The following APBB1IP variants were observed in gnomAD, a reference collection of about 807,000 sequenced individuals.
APBB1IP encodes the protein amyloid beta A4 precursor protein-binding family B member 1-interacting protein.
APBB1IP carries 27 observed loss-of-function variants against 64.9 expected under a neutral mutation model. The observed-to-expected ratio is 0.42, with a 90% confidence interval of 0.31 to 0.57. The LOEUF is 0.57. APBB1IP is among the 20% of genes least tolerant of loss of function. APBB1IP has a pLI of 0.20. For synonymous variants in APBB1IP, 392 were observed against 331.0 expected (o/e 1.18, Z -2.00); for missense variants, 812 against 845.5 (o/e 0.96, Z 0.49).
chr10:26,443,800 G>A lies in APBB1IP; in HGVS notation c.-1+4947G>A, dbSNP rs756205569. Among the ~76,000 whole-genome samples, 3 of 152,244 alleles carry A rather than the reference G, an allele frequency of 2.0e-5. No homozygotes were observed. In the East Asian group the frequency reaches 5.8e-4, roughly 29 times the overall value. On this transcript the variant is annotated intron_variant, in intron 2 of 14. Transcript: ENST00000376236. ...GATCCTTCCACCTCGGGCTCTCAAA[G>A]TCTTGGGATCACAGACATGAGCCAC...
intron 2 of APBB1IP, among the ~76,000 whole-genome samples, chr10:26,445,496 C>T (rs1351968209): frequency 2.0e-5 from 3 of 152,172 alleles, no homozygotes; most frequent in East Asian, 1.9e-4. Flanking sequence ...AGTATCCTCC[C>T]GCTTCGGCCT....
chr10:26,546,973 A>C (rs949172666), intron 11 of APBB1IP, among the ~76,000 whole-genome samples: 2 of 152,212 alleles, frequency 1.3e-5, no homozygotes, highest in African/African-American at 4.8e-5. Context: ...GCACCTCCAT[A>C]CTGTTTTCTG....
At chr10:26,514,577 T>C (rs1245990891) in intron 8 of APBB1IP, among the ~76,000 whole-genome samples, 1 of 152,184 alleles carries the variant, frequency 6.6e-6, no homozygotes, top group African/African-American at 2.4e-5. Flanking sequence ...CAAGCAACTA[T>C]AATTGTGTGA....
chr10:26,441,268 TG>T (rs996781927), intron 2 of APBB1IP, among the ~76,000 whole-genome samples: 1 of 152,184 alleles, frequency 6.6e-6, no homozygotes, highest in Non-Finnish European at 1.5e-5. Flanking sequence ...ACTGGTTGCA[TG>T]GGGATTTTAA....
intron 2 of APBB1IP, among the ~76,000 whole-genome samples, chr10:26,442,946 C>T (rs112062076): frequency 2.6e-5 from 4 of 152,082 alleles, no homozygotes; most frequent in Admixed American, 1.3e-4. Flanking sequence ...GGTTCTCCAC[C>T]GACTCTGGGT....
intron 2 of APBB1IP, among the ~76,000 whole-genome samples, chr10:26,471,753 C>T (rs145466687): frequency 2.1e-4 from 32 of 152,128 alleles, no homozygotes; most frequent in African/African-American, 6.8e-4. Context: ...GGCGCAATCT[C>T]GGCTCACTGC....
At chr10:26,525,548 C>T (rs1003462478) in intron 8 of APBB1IP, among the ~76,000 whole-genome samples, 2 of 152,002 alleles carry the variant, frequency 1.3e-5, no homozygotes, top group Admixed American at 6.6e-5. Flanking sequence ...GAAAGTGGGC[C>T]GGGGCAGTAG....
intron 2 of APBB1IP, among the ~76,000 whole-genome samples, chr10:26,472,613 G>A (rs1430141440): frequency 2.8e-5 from 4 of 142,896 alleles, no homozygotes; most frequent in Middle Eastern, 3.4e-3. Flanking sequence ...ATTTTCTTTT[G>A]GACATGAGAG....
At chr10:26,564,328 A>T (rs1837012016) in intron 14 of APBB1IP, among the ~76,000 whole-genome samples, 1 of 152,216 alleles carries the variant, frequency 6.6e-6, no homozygotes, top group South Asian at 2.1e-4. Context: ...CTATGCGTCT[A>T]TTAGACTTAG....
At chr10:26,484,603 C>G (rs541154707) in intron 2 of APBB1IP, among the ~76,000 whole-genome samples, 36 of 152,112 alleles carry the variant, frequency 2.4e-4, no homozygotes, top group African/African-American at 8.0e-4. Flanking sequence ...CTGCACCAGG[C>G]CTTTTTTGAA....
rs915354548 is a variant in APBB1IP, at chr10:26,518,813, G to C, written c.813+5153G>C. The stretch of plus-strand genomic sequence containing the variant: ...CCCTGAGGGGAAGTGTGGCTTTCTG[G>C]AGACCTGAACACCACTTTATGGTTC... On this transcript the variant is annotated intron_variant, in intron 8 of 14. Transcript: ENST00000376236. 2.3e-4 allele frequency among the ~76,000 whole-genome samples: 35 copies of C among 152,270 alleles called. No homozygotes were observed. The South Asian group carries it at 3.9e-3, about 17-fold the overall frequency.
chr10:26,496,260 G>A lies in APBB1IP; in HGVS notation c.73-44G>A, dbSNP rs7900091. On this transcript the variant is annotated intron_variant, in intron 3 of 14. Coordinates refer to ENST00000376236, the MANE Select transcript of APBB1IP (RefSeq NM_019043.4). The stretch of plus-strand genomic sequence containing the variant: ...GCTGAGTAAAGTGTGCTACAGAAAT[G>A]TTTGTATCATGAATAACTTTGATGG... The A allele has an allele frequency of 0.011, 15,692 of 1,436,620 alleles. 1,389 individuals are homozygous for A. In the African/African-American group the frequency reaches 0.19, roughly 18 times the overall value. The allele number at this position is 1,436,620 out of a possible 1,614,324, so 89.0% of individuals were successfully genotyped here.
intron 10 of APBB1IP, among the ~76,000 whole-genome samples, chr10:26,537,869 G>A (rs368680111): frequency 1.3e-4 from 20 of 151,398 alleles, no homozygotes; most frequent in African/African-American, 4.4e-4. Context: ...GGGAGGTGGA[G>A]GTTGCAGTGG....
At chr10:26,441,119 G>A (rs1589186103) in intron 2 of APBB1IP, among the ~76,000 whole-genome samples, 2 of 152,066 alleles carry the variant, frequency 1.3e-5, no homozygotes, top group East Asian at 1.9e-4. Context: ...AACACAACAG[G>A]TATCTTCTCA....
chr10:26,519,147 G>C (rs1038878513), intron 8 of APBB1IP, among the ~76,000 whole-genome samples: 6 of 151,330 alleles, frequency 4.0e-5, no homozygotes, highest in African/African-American at 1.5e-4. Context: ...TGGTGGGGGT[G>C]GGGTGGGGTG....
At chr10:26,472,999 TTTC>T (rs1321442759) in intron 2 of APBB1IP, among the ~76,000 whole-genome samples, 1 of 152,052 alleles carries the variant, frequency 6.6e-6, no homozygotes, top group Non-Finnish European at 1.5e-5. Flanking sequence ...GTACATATCA[TTTC>T]TTCTTAGGAT....
Position 26,546,222 on chromosome 10 carries a change from T to C in APBB1IP, c.1155+4530T>C, listed in dbSNP as rs529529680. 2.6e-5 allele frequency among the ~76,000 whole-genome samples: 4 copies of C among 152,298 alleles called. No individual in the cohort carries two copies. In the South Asian group the frequency reaches 8.3e-4, roughly 32 times the overall value. Reference sequence around the variant, plus strand: ...ATCATTAGTGCAATGTCTAGAAACATATCAGCACTTAGTAAGTGGTAGTTA... The same window carrying C: ...ATCATTAGTGCAATGTCTAGAAACACATCAGCACTTAGTAAGTGGTAGTTA... On this transcript the variant is annotated intron_variant, in intron 11 of 14. Transcript: ENST00000376236.
chr10:26,565,453 C>G (rs947324128), intron 14 of APBB1IP, among the ~76,000 whole-genome samples: 2 of 152,166 alleles, frequency 1.3e-5, no homozygotes, highest in African/African-American at 4.8e-5. Flanking sequence ...GCCAACCCCA[C>G]AAGAGATATA....
chr10:26,514,220 A>C (rs900588560), intron 8 of APBB1IP, among the ~76,000 whole-genome samples: 1 of 151,986 alleles, frequency 6.6e-6, no homozygotes, highest in Non-Finnish European at 1.5e-5. Context: ...TCCAAAACCT[A>C]TCTCTCTGTG....
Sources: gnomAD v4.1 joint callset for allele counts (sites outside exome capture counted in the v4.1 genomes callset) on GRCh38, gnomAD v4.1.1 for gene constraint, MANE v1.5 for transcripts, NCBI Gene and HGNC (gene_info 2026-07-23, HGNC 2026-07-21) for gene names.